The following NELL1 variants were observed in gnomAD, a reference collection of about 807,000 sequenced individuals.
The protein encoded by NELL1 is neural EGFL like 1.
Under a neutral mutation model 107.4 loss-of-function variants are expected in NELL1, and 76 were observed. The ratio of observed to expected loss-of-function variants is 0.71; its 90% CI spans 0.59 to 0.86. The LOEUF (loss-of-function observed/expected upper bound fraction) is 0.86. NELL1 is among the 40% of genes least tolerant of loss of function. The pLI, the probability that NELL1 is intolerant of heterozygous loss-of-function variation, is 0.00. For missense variants in NELL1, 1,024 were observed against 1,005.5 expected (o/e 1.02, Z -0.25); for synonymous variants, 353 against 341.2 (o/e 1.03, Z -0.38).
chr11:20,969,149 C>G (rs1435453975), intron 12 of NELL1, among the ~76,000 whole-genome samples: 2 of 152,158 alleles, frequency 1.3e-5, no homozygotes, highest in African/African-American at 4.8e-5. Flanking sequence ...TAGGATTTGA[C>G]TACTTAACCA....
chr11:21,242,985 C>A (rs2133900527), intron 14 of NELL1, among the ~76,000 whole-genome samples: 1 of 152,208 alleles, frequency 6.6e-6, no homozygotes, highest in South Asian at 2.1e-4. Flanking sequence ...CAGTTCCCTT[C>A]CTGTTGTTAG....
At chr11:21,154,766 G>T (rs1206365489) in intron 13 of NELL1, among the ~76,000 whole-genome samples, 3 of 152,128 alleles carry the variant, frequency 2.0e-5, no homozygotes, top group African/African-American at 7.2e-5. Flanking sequence ...GGTATCCCAA[G>T]CAGTGAAAAT....
At chr11:21,007,774 G>A (rs945374462) in intron 12 of NELL1, among the ~76,000 whole-genome samples, 7 of 151,974 alleles carry the variant, frequency 4.6e-5, no homozygotes, top group South Asian at 2.1e-4. Context: ...AATGATAATC[G>A]GATTTAGATG....
At chr11:20,988,438 T>TATATA (rs1851898314) in intron 12 of NELL1, among the ~76,000 whole-genome samples, 3 of 105,642 alleles carry the variant, frequency 2.8e-5, no homozygotes, top group Admixed American at 8.2e-5. Context: ...TGTATATATA[T>TATATA]CTATATATAC....
intron 12 of NELL1, among the ~76,000 whole-genome samples, chr11:21,075,176 A>G (rs552665879): frequency 1.1e-4 from 17 of 152,312 alleles, no homozygotes; most frequent in African/African-American, 4.1e-4. Context: ...AGCAGGAGCA[A>G]CAATAGGTAT....
chr11:21,271,523 T>G (rs181456707), intron 14 of NELL1, among the ~76,000 whole-genome samples: 1 of 152,320 alleles, frequency 6.6e-6, no homozygotes, highest in East Asian at 1.9e-4. Context: ...CCAGATGGGT[T>G]CACTGGTGAA....
chr11:21,540,539 A>G (rs1856265349), intron 16 of NELL1, among the ~76,000 whole-genome samples: 1 of 152,122 alleles, frequency 6.6e-6, no homozygotes. Context: ...TAACTGGTTC[A>G]TGGTTCTACA....
chr11:21,548,152 A>C (rs532882870), intron 16 of NELL1, among the ~76,000 whole-genome samples: 2 of 152,060 alleles, frequency 1.3e-5, no homozygotes, highest in South Asian at 4.2e-4. Flanking sequence ...AGGTAGTGGA[A>C]ATGCAGAGGA....
At chr11:20,928,501 G>C in intron 9 of NELL1, 22 bp downstream of exon 9, 1 of 1,563,936 alleles carries the variant, frequency 6.4e-7, no homozygotes, top group Non-Finnish European at 8.8e-7. Context: ...CTGAGGGTCA[G>C]ACTGGCTGTC....
chr11:20,790,968 T>G (rs914473607), intron 3 of NELL1, among the ~76,000 whole-genome samples: 4 of 152,244 alleles, frequency 2.6e-5, no homozygotes, highest in African/African-American at 9.6e-5. Context: ...ATGGAAGTGC[T>G]GTTTGATTAT....
intron 3 of NELL1, among the ~76,000 whole-genome samples, chr11:20,800,159 T>C (rs1315999695): frequency 6.6e-6 from 1 of 152,220 alleles, no homozygotes. Context: ...AATGGCACTG[T>C]GATGAACATA....
intron 2 of NELL1, among the ~76,000 whole-genome samples, chr11:20,766,454 AGCCACATATTTTATGTATAATTTT>A (rs1473399056): frequency 6.6e-6 from 1 of 152,198 alleles, no homozygotes; most frequent in African/African-American, 2.4e-5. Context: ...ACTGGCTTTT[AGCCACATATTTTATGTATAATTTT>A]GCCACAGCAT....
intron 4 of NELL1, among the ~76,000 whole-genome samples, chr11:20,882,566 T>C (rs1215610467): frequency 1.3e-5 from 2 of 152,204 alleles, no homozygotes; most frequent in Non-Finnish European, 1.5e-5. Context: ...AACAGTATTG[T>C]TATTTTGAAC....
At chr11:20,895,425 G>A (rs915278472) in intron 5 of NELL1, among the ~76,000 whole-genome samples, 10 of 146,016 alleles carry the variant, frequency 6.8e-5, no homozygotes, top group Admixed American at 4.8e-4. Context: ...CTGTCTTTCC[G>A]CTCTCTATCT....
chr11:20,901,380 A>G (rs778139856), intron 5 of NELL1, among the ~76,000 whole-genome samples: 2 of 152,090 alleles, frequency 1.3e-5, no homozygotes. Flanking sequence ...GGAACAAATC[A>G]AATAAAATAT....
At chr11:20,912,101 TA>T (rs1590407618) in intron 5 of NELL1, among the ~76,000 whole-genome samples, 3 of 152,352 alleles carry the variant, frequency 2.0e-5, no homozygotes, top group Non-Finnish European at 4.4e-5. Flanking sequence ...TTCTCTATTT[TA>T]AATATTATTA....
At chr11:21,232,181 T>TATA (rs1375976378) in intron 14 of NELL1, among the ~76,000 whole-genome samples, 3 of 131,948 alleles carry the variant, frequency 2.3e-5, no homozygotes, top group Admixed American at 7.7e-5. Flanking sequence ...TATATATAAA[T>TATA]TAGCTGGGCG....
chr11:21,063,687 T>A (rs1453513892), intron 12 of NELL1, among the ~76,000 whole-genome samples: 1 of 152,144 alleles, frequency 6.6e-6, no homozygotes, highest in African/African-American at 2.4e-5. Flanking sequence ...AAAAGTGCAG[T>A]GTGAGAAGAG....
intron 5 of NELL1, among the ~76,000 whole-genome samples, chr11:20,901,580 T>C (rs748130596): frequency 3.3e-5 from 5 of 150,248 alleles, no homozygotes; most frequent in Non-Finnish European, 7.4e-5. Flanking sequence ...TTTTTCCTGA[T>C]GGACTCTGAC....
Sources: allele counts gnomAD v4.1 joint callset (sites outside exome capture counted in the v4.1 genomes callset), GRCh38; gene constraint gnomAD v4.1.1; transcripts MANE v1.5; gene names NCBI Gene and HGNC (gene_info 2026-07-23, HGNC 2026-07-21).